Variants in OR6N1 observed in about 807,000 individuals in gnomAD.
OR6N1 encodes olfactory receptor family 6 subfamily N member 1, also known as olfactory receptor 6N1.
For missense variants in OR6N1, 394 were observed against 371.7 expected (o/e 1.06, Z -0.49); for synonymous variants, 170 against 150.7 (o/e 1.13, Z -0.94).
chr1:158,801,762 C>T, the OR6N1 span, among the ~76,000 whole-genome samples: 2 of 152,106 alleles, frequency 1.3e-5, no homozygotes, highest in African/African-American at 4.8e-5. Flanking sequence ...TGGTCTATAT[C>T]AATGTCCCTG....
the OR6N1 span, among the ~76,000 whole-genome samples, chr1:158,788,938 T>C: frequency 6.6e-6 from 1 of 152,156 alleles, no homozygotes; most frequent in African/African-American, 2.4e-5. Flanking sequence ...GAAGTTAGAA[T>C]ATTTCTAAAA....
chr1:158,776,469 A>G (rs1657596540), upstream of OR6N1: 1 of 407,508 alleles, frequency 2.5e-6, no homozygotes, highest in Admixed American at 4.1e-5. Flanking sequence ...TTAAAAAAAG[A>G]AGTATGTAGA....
intron 1 of OR6N1, among the ~76,000 whole-genome samples, chr1:158,769,106 C>G (rs1406935126): frequency 6.6e-6 from 1 of 152,122 alleles, no homozygotes; most frequent in Non-Finnish European, 1.5e-5. Flanking sequence ...GTAGGAGTTA[C>G]AAGCCATGGG....
chr1:158,824,108 A>G, the OR6N1 span, among the ~76,000 whole-genome samples: 1 of 151,910 alleles, frequency 6.6e-6, no homozygotes, highest in Non-Finnish European at 1.5e-5. Context: ...CTGTGTCCCT[A>G]CCCAAATTTC....
At chr1:158,793,636 T>C in the OR6N1 span, among the ~76,000 whole-genome samples, 1 of 152,184 alleles carries the variant, frequency 6.6e-6, no homozygotes, top group African/African-American at 2.4e-5. Context: ...AGGTTCACTG[T>C]CTCCTGTGGG....
intron 1 of OR6N1, among the ~76,000 whole-genome samples, chr1:158,771,329 C>T (rs530092036): frequency 1.2e-3 from 190 of 152,276 alleles, no homozygotes; most frequent in African/African-American, 4.2e-3. Context: ...AATGAGGAAA[C>T]TTCATACCAT....
At chr1:158,832,737 T>C in the OR6N1 span, among the ~76,000 whole-genome samples, 1 of 152,020 alleles carries the variant, frequency 6.6e-6, no homozygotes, top group Non-Finnish European at 1.5e-5. Flanking sequence ...TTTCTTTAAG[T>C]TAGAGTTTGA....
At chr1:158,833,177 C>T in the OR6N1 span, among the ~76,000 whole-genome samples, 1 of 152,102 alleles carries the variant, frequency 6.6e-6, no homozygotes. Flanking sequence ...AAAGTATTTG[C>T]TTGATCTTTC....
the OR6N1 span, among the ~76,000 whole-genome samples, chr1:158,781,467 C>G: frequency 1.3e-5 from 2 of 152,312 alleles, no homozygotes; most frequent in Admixed American, 6.5e-5. Flanking sequence ...TCATCACCCT[C>G]CCTTGCCACT....
At chr1:158,840,068 G>A in the OR6N1 span, among the ~76,000 whole-genome samples, 3 of 152,072 alleles carry the variant, frequency 2.0e-5, no homozygotes, top group Admixed American at 6.5e-5. Flanking sequence ...TTTAGGGGGG[G>A]ATTTTAGAAA....
chr1:158,809,015 C>T, the OR6N1 span: 1 of 152,764 alleles, frequency 6.5e-6, no homozygotes, highest in Non-Finnish European at 1.5e-5. Flanking sequence ...CTCAGTCATC[C>T]CTAAGGAATG....
chr1:158,785,175 G>T, the OR6N1 span, among the ~76,000 whole-genome samples: 2 of 152,106 alleles, frequency 1.3e-5, no homozygotes, highest in Non-Finnish European at 2.9e-5. Flanking sequence ...CTTCTTTGGA[G>T]AATTTTTTAT....
the OR6N1 span, among the ~76,000 whole-genome samples, chr1:158,796,723 T>C: frequency 1.3e-5 from 2 of 152,208 alleles, no homozygotes; most frequent in African/African-American, 4.8e-5. Flanking sequence ...TGTTGGTTAC[T>C]GGTTCCTTGC....
the OR6N1 span, among the ~76,000 whole-genome samples, chr1:158,798,040 C>G: frequency 6.6e-6 from 1 of 151,874 alleles, no homozygotes; most frequent in Non-Finnish European, 1.5e-5. Flanking sequence ...TTTTAATTAA[C>G]TGGCATATAT....
chr1:158,832,980 TTCTTG>T, the OR6N1 span, among the ~76,000 whole-genome samples: 2 of 152,154 alleles, frequency 1.3e-5, no homozygotes, highest in African/African-American at 4.8e-5. Flanking sequence ...TTCTTCTCCT[TTCTTG>T]TCAAGTTTCT....
At chr1:158,772,883 T>G (rs1657458250), upstream of OR6N1, among the ~76,000 whole-genome samples, 1 of 152,198 alleles carries the variant, frequency 6.6e-6, no homozygotes, top group Non-Finnish European at 1.5e-5. Flanking sequence ...ATATGTGAGG[T>G]GATAAATATG....
chr1:158,805,944 G>A, the OR6N1 span, among the ~76,000 whole-genome samples: 1 of 152,116 alleles, frequency 6.6e-6, no homozygotes, highest in African/African-American at 2.4e-5. Flanking sequence ...CATGTTCACT[G>A]CACAGTATGC....
the OR6N1 span, among the ~76,000 whole-genome samples, chr1:158,839,267 G>C: frequency 6.6e-6 from 1 of 152,144 alleles, no homozygotes. Flanking sequence ...AACGTTCTCT[G>C]AGGCCTATAT....
At chr1:158,787,614 C>T in the OR6N1 span, among the ~76,000 whole-genome samples, 1 of 126,716 alleles carries the variant, frequency 7.9e-6, no homozygotes, top group African/African-American at 3.9e-5. Context: ...CTCTATCTAT[C>T]TCTCTATCTC....
Sources: gnomAD v4.1 joint callset for allele counts (sites outside exome capture counted in the v4.1 genomes callset) on GRCh38, gnomAD v4.1.1 for gene constraint, MANE v1.5 for transcripts, NCBI Gene and HGNC (gene_info 2026-07-23, HGNC 2026-07-21) for gene names.